Variants in CPEB3 observed in about 807,000 individuals in gnomAD.
CPEB3 encodes the protein cytoplasmic polyadenylation element-binding protein 3.
CPEB3 carries 20 observed loss-of-function variants against 67.2 expected under a neutral mutation model. The ratio of observed to expected loss-of-function variants is 0.30; its 90% confidence interval spans 0.21 to 0.43. The LOEUF (loss-of-function observed/expected upper bound fraction) is 0.43. Ranked by LOEUF, CPEB3 falls within the 20% of genes least tolerant of loss-of-function variation. The pLI, the probability that CPEB3 is intolerant of heterozygous loss-of-function variation, is 1.00. For missense variants in CPEB3, 746 were observed against 968.6 expected, an observed-to-expected ratio of 0.77 and a Z score of 3.05; for synonymous variants, 376 against 393.1, an observed-to-expected ratio of 0.96 and a Z score of 0.51.
chr10:92,254,181 AT>A (rs1007629695), intron 1 of CPEB3, among the ~76,000 whole-genome samples: 20 of 151,880 alleles, frequency 1.3e-4, no homozygotes, highest in African/African-American at 4.8e-4. Context: ...GTGAGCCATG[AT>A]TGTGTCAATG....
chr10:92,117,984 G>C (rs970179987), intron 6 of CPEB3, among the ~76,000 whole-genome samples: 4 of 152,126 alleles, frequency 2.6e-5, no homozygotes, highest in Admixed American at 6.6e-5. Flanking sequence ...ACCCAGGAAT[G>C]AAATCTGGAA....
chr10:92,139,289 T>TTAA (rs1554895869), intron 6 of CPEB3, among the ~76,000 whole-genome samples: 3 of 71,168 alleles, frequency 4.2e-5, no homozygotes, highest in African/African-American at 1.1e-4. Flanking sequence ...CACACACACA[T>TTAA]AAAAAAAAAA....
chr10:92,144,837 T>A, intron 5 of CPEB3, 108 bp downstream of exon 5: 2 of 901,334 alleles, frequency 2.2e-6, no homozygotes, highest in South Asian at 1.5e-5. Flanking sequence ...TCACCTCCTA[T>A]GCACTAAGAT....
chr10:92,205,862 G>T (rs1207326958), intron 2 of CPEB3, among the ~76,000 whole-genome samples: 1 of 151,986 alleles, frequency 6.6e-6, no homozygotes, highest in East Asian at 1.9e-4. Context: ...AGGGAGAAAA[G>T]AACCTAAGTC....
chr10:92,191,120 T>G (rs1848959455), intron 3 of CPEB3, among the ~76,000 whole-genome samples: 1 of 152,148 alleles, frequency 6.6e-6, no homozygotes, highest in Admixed American at 6.6e-5. Flanking sequence ...TTCCTTAAAA[T>G]GCAAGTATCA....
At chr10:92,279,380 A>T (rs1027167117) in intron 1 of CPEB3, among the ~76,000 whole-genome samples, 1 of 152,188 alleles carries the variant, frequency 6.6e-6, no homozygotes, top group African/African-American at 2.4e-5. Context: ...TCAGTAAATT[A>T]TATTCCTATT....
At chr10:92,173,157 A>G (rs534615879) in intron 4 of CPEB3, among the ~76,000 whole-genome samples, 1 of 152,344 alleles carries the variant, frequency 6.6e-6, no homozygotes, top group South Asian at 2.1e-4. Context: ...AAAGAAAAAC[A>G]CCAACATTAA....
intron 5 of CPEB3, 135 bp from the exon 6 acceptor site, chr10:92,143,253 G>A (rs1846524543): frequency 5.3e-6 from 3 of 566,962 alleles, no homozygotes; most frequent in Non-Finnish European, 9.2e-6. Context: ...TTACGGAAGT[G>A]AAACCTACTA....
chr10:92,218,980 A>G (rs896970174), intron 2 of CPEB3, among the ~76,000 whole-genome samples: 1 of 152,154 alleles, frequency 6.6e-6, no homozygotes, highest in Admixed American at 6.6e-5. Flanking sequence ...ACTACTGTAA[A>G]AAGCCATCAG....
At chr10:92,203,278 T>C (rs1849603268) in intron 2 of CPEB3, among the ~76,000 whole-genome samples, 1 of 149,882 alleles carries the variant, frequency 6.7e-6, no homozygotes, top group Admixed American at 6.7e-5. Flanking sequence ...TCTAAGACTT[T>C]AACAGAACTA....
intron 2 of CPEB3, among the ~76,000 whole-genome samples, chr10:92,225,551 T>C (rs190530110): frequency 3.3e-5 from 5 of 151,952 alleles, no homozygotes; most frequent in African/African-American, 4.8e-5. Context: ...TCTATCTAAA[T>C]CCCCCAAATA....
In CPEB3 at chr10:92,143,753, A is replaced by T. The variant is rs1024439130; in HGVS notation, c.1364-635T>A. 2.0e-5 allele frequency among the ~76,000 whole-genome samples: 3 copies of T among 152,200 alleles called. No individual in the cohort carries two copies. In the South Asian group the frequency reaches 6.2e-4, roughly 32 times the overall value. On this transcript the variant is annotated intron_variant, in intron 5 of 9. Coordinates refer to ENST00000265997, the MANE Select transcript of CPEB3 (RefSeq NM_014912.5). ...CCTGGCTCCTACTCAGGTTTAGGGT[A>T]CCACTCTCTCAGCCATGATCTTAAA...
At chr10:92,216,384 G>A in intron 2 of CPEB3, 1 of 1,612,548 alleles carries the variant, frequency 6.2e-7, no homozygotes, top group Non-Finnish European at 8.5e-7. Flanking sequence ...GCGGAGGTGT[G>A]TTCCGGGGAG....
chr10:92,065,918 AC>A (rs968189165), intron 9 of CPEB3, among the ~76,000 whole-genome samples: 14 of 150,906 alleles, frequency 9.3e-5, no homozygotes, highest in South Asian at 4.2e-4. Context: ...ACATGCTGAG[AC>A]CCCCCCTCTC....
At chr10:92,110,280 C>G (rs1185448468) in intron 7 of CPEB3, among the ~76,000 whole-genome samples, 1 of 152,210 alleles carries the variant, frequency 6.6e-6, no homozygotes. Context: ...CTTGCCCACT[C>G]TGTGTCATAT....
At chr10:92,082,079 C>A (rs757111497) in intron 8 of CPEB3, among the ~76,000 whole-genome samples, 13 of 152,172 alleles carry the variant, frequency 8.5e-5, no homozygotes, top group Non-Finnish European at 1.6e-4. Flanking sequence ...CCATACTAAC[C>A]TTTCCCATTG....
intron 6 of CPEB3, among the ~76,000 whole-genome samples, chr10:92,136,652 C>G (rs1276434130): frequency 2.0e-5 from 3 of 152,050 alleles, no homozygotes; most frequent in Admixed American, 2.0e-4. Flanking sequence ...ACTCTGCCCC[C>G]CAGATTCAAG....
At chr10:92,221,826 G>GGA (rs370929461) in intron 2 of CPEB3, among the ~76,000 whole-genome samples, 59 of 151,246 alleles carry the variant, frequency 3.9e-4, no homozygotes, top group Middle Eastern at 3.4e-3. Context: ...CTTAAAAGAG[G>GGA]GAGAGAGAGA....
At chr10:92,065,510 C>G (rs184977663) in intron 9 of CPEB3, among the ~76,000 whole-genome samples, 315 of 152,160 alleles carry the variant, frequency 2.1e-3, no homozygotes, top group African/African-American at 7.1e-3. Flanking sequence ...CATGAGCCAC[C>G]ACACCTGGCT....
Sources: allele counts gnomAD v4.1 joint callset (sites outside exome capture counted in the v4.1 genomes callset), GRCh38; gene constraint gnomAD v4.1.1; transcripts MANE v1.5; gene names NCBI Gene and HGNC (gene_info 2026-07-23, HGNC 2026-07-21).